ACOT7: variants seen among roughly 807,000 people sequenced by gnomAD.
The protein encoded by ACOT7 is acyl-CoA thioesterase 7, also known as cytosolic acyl coenzyme A thioester hydrolase.
A neutral mutation model predicts 40.2 loss-of-function variants in ACOT7; 12 were observed. The ratio of observed to expected loss-of-function variants is 0.30; its 90% CI spans 0.19 to 0.48. The LOEUF (loss-of-function observed/expected upper bound fraction) is 0.48, where lower values mean the gene tolerates loss of function less well. Among genes scored for constraint, ACOT7 ranks in the 20% least tolerant of loss-of-function variants. The pLI is 0.99. For synonymous variants in ACOT7, 228 were observed against 219.5 expected, an observed-to-expected ratio of 1.04 and a Z score of -0.34; for missense variants, 395 against 530.8, an observed-to-expected ratio of 0.74 and a Z score of 2.51.
At chr1:6,318,020 T>A (rs537082306) in intron 6 of ACOT7, among the ~76,000 whole-genome samples, 6 of 150,062 alleles carry the variant, frequency 4.0e-5, no homozygotes, top group African/African-American at 1.2e-4. Context: ...GCGTGACCTA[T>A]GGCGCCCAGC....
chr1:6,341,752 A>T (rs575655556), intron 2 of ACOT7, among the ~76,000 whole-genome samples: 75 of 150,730 alleles, frequency 5.0e-4, no homozygotes, highest in South Asian at 4.0e-3. Context: ...AAAAAAAAAA[A>T]TTTTTTTCAA....
chr1:6,285,997 C>T (rs973873233), intron 7 of ACOT7, among the ~76,000 whole-genome samples: 4 of 152,214 alleles, frequency 2.6e-5, no homozygotes, highest in Non-Finnish European at 5.9e-5. Context: ...CACTTCCACG[C>T]ACCTGTCTCA....
chr1:6,383,620 C>A (rs1642389253), intron 1 of ACOT7, among the ~76,000 whole-genome samples: 1 of 151,120 alleles, frequency 6.6e-6, no homozygotes, highest in African/African-American at 2.4e-5. Flanking sequence ...ACTACAGCCT[C>A]AACTTCCTGG....
chr1:6,342,398 G>A (rs1465150568), intron 2 of ACOT7, among the ~76,000 whole-genome samples: 4 of 152,172 alleles, frequency 2.6e-5, no homozygotes, highest in South Asian at 4.1e-4. Flanking sequence ...CGGTGGCTGT[G>A]TCTGAAAGAC....
chr1:6,266,109 A>C (rs1012315732), intron 8 of ACOT7, among the ~76,000 whole-genome samples: 3 of 152,244 alleles, frequency 2.0e-5, no homozygotes, highest in African/African-American at 7.2e-5. Context: ...CGGTGTACAC[A>C]GGAAAACTGC....
At chr1:6,292,560 C>T (rs1165388576) in intron 7 of ACOT7, among the ~76,000 whole-genome samples, 3 of 152,212 alleles carry the variant, frequency 2.0e-5, no homozygotes, top group South Asian at 2.1e-4. Context: ...CCTGGTTTTC[C>T]CTCAAAATTA....
At chr1:6,386,768 A>G (rs993479128) in intron 1 of ACOT7, among the ~76,000 whole-genome samples, 3 of 152,170 alleles carry the variant, frequency 2.0e-5, no homozygotes, top group Non-Finnish European at 2.9e-5. Flanking sequence ...CTGAGGTGGG[A>G]GAATCCCTTG....
chr1:6,294,361 A>G lies in ACOT7; in HGVS notation c.829+503T>C, dbSNP rs568534004. ...CTGACACCATTTCCAGGCAGGGGCCAGGTGGCTGGGGTTGGATTTTTGTGG... is the reference window on the plus strand; with the variant it reads ...CTGACACCATTTCCAGGCAGGGGCCGGGTGGCTGGGGTTGGATTTTTGTGG... On this transcript the variant is annotated intron_variant, in intron 7 of 8. Coordinates refer to ENST00000361521, the MANE Select transcript of ACOT7 (RefSeq NM_007274.4). The surrounding 1 kb of genome is among the most constrained non-coding windows in gnomAD (Gnocchi z 4.6). Among the ~76,000 whole-genome samples the G allele has an allele frequency of 3.3e-4, 50 of 152,376 alleles. No individual in the cohort carries two copies. The South Asian group carries it at 0.01, about 31-fold the overall frequency.
At chr1:6,287,090 G>A (rs1419838445) in intron 7 of ACOT7, among the ~76,000 whole-genome samples, 2 of 152,242 alleles carry the variant, frequency 1.3e-5, no homozygotes, top group African/African-American at 2.4e-5. Flanking sequence ...CCAGCTTAAC[G>A]ATGCATTTTC....
At chr1:6,287,055 G>A (rs139303876) in intron 7 of ACOT7, among the ~76,000 whole-genome samples, 79 of 152,356 alleles carry the variant, frequency 5.2e-4, no homozygotes, top group African/African-American at 1.7e-3. Flanking sequence ...CAAAGTGCTG[G>A]GATAACAGGC....
intron 1 of ACOT7, among the ~76,000 whole-genome samples, chr1:6,360,940 T>C (rs1641877963): frequency 6.6e-6 from 1 of 152,184 alleles, no homozygotes; most frequent in South Asian, 2.1e-4. Flanking sequence ...CTTAGCCTTA[T>C]GAGTAAATAA....
chr1:6,306,470 T>C lies in ACOT7; in HGVS notation c.713-11490A>G, dbSNP rs955164690. ...TTTCAGGGTTGACACCATCTCGGGG[T>C]TCAAGGTTCAAGTTCACCAGTCCCC... On this transcript the variant is annotated intron_variant, in intron 6 of 8. Transcript: ENST00000361521. The surrounding 1 kb of genome is among the most constrained non-coding windows in gnomAD (Gnocchi z 4.3). 7.1e-6 allele frequency: 7 copies of C among 984,354 alleles called. No individual in the cohort carries two copies. The highest frequency in any genetic ancestry group is 8.4e-6 in the Non-Finnish European group (7 of 829,708). The allele number at this position is 984,354 out of a possible 1,614,324, so 61.0% of individuals were successfully genotyped here.
intron 1 of ACOT7, among the ~76,000 whole-genome samples, chr1:6,381,786 T>C (rs989042372): frequency 1.3e-5 from 2 of 151,868 alleles, no homozygotes; most frequent in Admixed American, 1.3e-4. Context: ...CCACAGATGA[T>C]GGAATAAGCA....
In ACOT7 at chr1:6,352,033, C is replaced by T. The variant is rs149753642; in HGVS notation, c.144-2167G>A. The stretch of plus-strand genomic sequence containing the variant: ...CAGACCGCACGCCAGCTGGCTACCA[C>T]GGGCCTGGCCGCCTTTCTTCGGCAC... On this transcript the variant is annotated intron_variant, in intron 1 of 8. Transcript: ENST00000361521. This position sits in a 1 kb window ranked among gnomAD's most constrained non-coding sequence, Gnocchi z 4.5. Among the ~76,000 whole-genome samples, 1 of 152,288 alleles carries T rather than the reference C, an allele frequency of 6.6e-6. No homozygotes were observed. Among genetic ancestry groups the T allele is most frequent in the Non-Finnish European group, 1.5e-5 (1 of 68,032 alleles).
intron 2 of ACOT7, among the ~76,000 whole-genome samples, chr1:6,343,104 C>G (rs1226129317): frequency 6.6e-6 from 1 of 152,152 alleles, no homozygotes; most frequent in African/African-American, 2.4e-5. Flanking sequence ...CCTGGGCCAG[C>G]TCCGACATCA....
At chr1:6,325,781 T>G (rs1465865068) in intron 5 of ACOT7, among the ~76,000 whole-genome samples, 1 of 152,182 alleles carries the variant, frequency 6.6e-6, no homozygotes, top group Non-Finnish European at 1.5e-5. Context: ...GTGCGCCCAC[T>G]GGGTTTTCAC....
At chr1:6,285,075 C>G (rs768843260) in intron 7 of ACOT7, among the ~76,000 whole-genome samples, 2 of 152,214 alleles carry the variant, frequency 1.3e-5, no homozygotes, top group Non-Finnish European at 2.9e-5. Context: ...CTGTCTGTCC[C>G]CATCTAGCCT....
At chr1:6,388,170 G>A (rs1336608019) in intron 1 of ACOT7, among the ~76,000 whole-genome samples, 4 of 151,096 alleles carry the variant, frequency 2.6e-5, no homozygotes, top group East Asian at 4.0e-4. Flanking sequence ...GTGCAGTGGC[G>A]GGATCTCAGC....
chr1:6,385,823 C>A, intron 1 of ACOT7: 1 of 1,408,078 alleles, frequency 7.1e-7, no homozygotes, highest in Non-Finnish European at 9.2e-7. Context: ...GCCCCTCCCC[C>A]ACCAGCCCCC....
Sources: gnomAD v4.1 joint callset for allele counts (sites outside exome capture counted in the v4.1 genomes callset) on GRCh38, gnomAD v4.1.1 for gene constraint, Gnocchi (gnomAD v3.1) non-coding constraint, MANE v1.5 for transcripts, NCBI Gene and HGNC (gene_info 2026-07-23, HGNC 2026-07-21) for gene names.